Variants in SPATA16 observed in about 807,000 individuals in gnomAD.
SPATA16 encodes the protein spermatogenesis associated 16.
Under a neutral mutation model 63.3 loss-of-function variants are expected in SPATA16, and 36 were observed. The ratio of observed to expected loss-of-function variants is 0.57; its 90% CI spans 0.44 to 0.75. SPATA16 has a LOEUF of 0.75. Among genes scored for constraint, SPATA16 ranks in the 30% least tolerant of loss-of-function variants. The pLI is 0.00. For synonymous variants in SPATA16, 203 were observed against 216.7 expected, an observed-to-expected ratio of 0.94 and a Z score of 0.56; for missense variants, 646 against 679.3, an observed-to-expected ratio of 0.95 and a Z score of 0.54.
At chr3:173,059,669 C>T (rs1169981198) in intron 2 of SPATA16, among the ~76,000 whole-genome samples, 2 of 151,760 alleles carry the variant, frequency 1.3e-5, no homozygotes, top group Non-Finnish European at 2.9e-5. Context: ...TATATTTAAT[C>T]ATTTATGGAT....
chr3:173,036,903 AT>A (rs987833334), intron 3 of SPATA16, among the ~76,000 whole-genome samples: 1 of 152,016 alleles, frequency 6.6e-6, no homozygotes, highest in Non-Finnish European at 1.5e-5. Flanking sequence ...TGGGATTATC[AT>A]TTTGAAGTGA....
chr3:173,056,705 C>CAAAAAAAAAAAAAAAAA (rs71162325), intron 2 of SPATA16, among the ~76,000 whole-genome samples: 33 of 73,598 alleles, frequency 4.5e-4, no homozygotes, highest in African/African-American at 1.7e-3. Context: ...ACTCTTGTTT[C>CAAAAAAAAAAAAAAAAA]AAAAAAAAAA....
chr3:173,129,459 C>G (rs973023663), intron 1 of SPATA16, among the ~76,000 whole-genome samples: 2 of 152,098 alleles, frequency 1.3e-5, no homozygotes, highest in African/African-American at 4.8e-5. Flanking sequence ...GTGTTAAGAA[C>G]TAATGCATCA....
intron 3 of SPATA16, among the ~76,000 whole-genome samples, chr3:173,037,542 G>A (rs1407314221): frequency 2.0e-5 from 3 of 152,038 alleles, no homozygotes; most frequent in African/African-American, 7.2e-5. Flanking sequence ...TTAATAACTG[G>A]TAATAACATA....
chr3:173,014,812 T>G (rs957705452), intron 4 of SPATA16, among the ~76,000 whole-genome samples: 18 of 152,180 alleles, frequency 1.2e-4, no homozygotes, highest in African/African-American at 4.3e-4. Context: ...CCTGTTTTCC[T>G]GGCGTAATTC....
chr3:173,044,282 C>A (rs963419445), intron 3 of SPATA16, among the ~76,000 whole-genome samples: 1 of 152,072 alleles, frequency 6.6e-6, no homozygotes, highest in Non-Finnish European at 1.5e-5. Context: ...TTTAAAAAAT[C>A]TTTTATTGTC....
intron 10 of SPATA16, among the ~76,000 whole-genome samples, chr3:172,903,511 C>G (rs536211727): frequency 6.6e-6 from 1 of 152,250 alleles, no homozygotes; most frequent in African/African-American, 2.4e-5. Context: ...GATGGTAAAA[C>G]TTGGAGGGGT....
At chr3:172,931,269 C>T (rs895920688) in intron 6 of SPATA16, among the ~76,000 whole-genome samples, 3 of 152,166 alleles carry the variant, frequency 2.0e-5, no homozygotes, top group Non-Finnish European at 4.4e-5. Context: ...GAAATAGGGT[C>T]TTACTCTGTC....
chr3:172,956,790 G>C lies in SPATA16; in HGVS notation c.968C>G (p.Ser323Cys). The stretch of plus-strand genomic sequence containing the variant: ...AAATGGTGTGTACATAACCGAGAAA[G>C]ATTCAGCTCTGGTGATGGCTTCCTC... The part of the protein sequence containing the change: ...MIEEAITRAE[S>C]FSVMYTPFAT... Residue 323 changes from serine to cysteine, a missense_variant, in exon 6 of 11, where the codon TCT becomes TGT. Transcript: ENST00000351008. 6.2e-7 allele frequency: 1 copy of C among 1,613,346 alleles called. No homozygotes were observed.
intron 6 of SPATA16, among the ~76,000 whole-genome samples, chr3:172,944,823 G>C (rs141680452): frequency 2.0e-5 from 3 of 152,116 alleles, no homozygotes; most frequent in Non-Finnish European, 2.9e-5. Flanking sequence ...AGGGGATCTG[G>C]GGGGAGAAGA....
chr3:172,960,124 G>T (rs1181425221), intron 5 of SPATA16, among the ~76,000 whole-genome samples: 3 of 152,018 alleles, frequency 2.0e-5, no homozygotes, highest in African/African-American at 7.2e-5. Flanking sequence ...TATAATAAAA[G>T]ATTTTCCTTG....
At chr3:172,941,033 CAA>C (rs1010686072) in intron 6 of SPATA16, among the ~76,000 whole-genome samples, 2 of 151,952 alleles carry the variant, frequency 1.3e-5, no homozygotes, top group South Asian at 2.1e-4. Flanking sequence ...AAAAAGATCT[CAA>C]GAGAACTTCT....
intron 2 of SPATA16, among the ~76,000 whole-genome samples, chr3:173,061,953 G>A (rs1349515902): frequency 1.3e-5 from 2 of 151,956 alleles, no homozygotes; most frequent in African/African-American, 4.8e-5. Flanking sequence ...TATGCCAAAT[G>A]AGGTTACTCC....
intron 2 of SPATA16, among the ~76,000 whole-genome samples, chr3:173,052,101 GTGGGATAATGTGGAAGTCATTA>G (rs1204018546): frequency 2.0e-5 from 3 of 152,132 alleles, no homozygotes; most frequent in Non-Finnish European, 1.5e-5. Context: ...GTGAGCCACC[GTGGGATAATGTGGAAGTCATTA>G]TGGGATAATG....
At chr3:173,073,081 A>T (rs1406039968) in intron 2 of SPATA16, among the ~76,000 whole-genome samples, 3 of 152,172 alleles carry the variant, frequency 2.0e-5, no homozygotes, top group Non-Finnish European at 2.9e-5. Flanking sequence ...AGATATGTGG[A>T]ACTTTGAACT....
chr3:172,942,710 C>T (rs1160743772), intron 6 of SPATA16, among the ~76,000 whole-genome samples: 2 of 151,816 alleles, frequency 1.3e-5, no homozygotes, highest in African/African-American at 4.8e-5. Flanking sequence ...ATTAAAAAAC[C>T]CTGCATTCCA....
At chr3:173,095,478 C>A (rs1737330263) in intron 2 of SPATA16, among the ~76,000 whole-genome samples, 1 of 152,134 alleles carries the variant, frequency 6.6e-6, no homozygotes, top group Admixed American at 6.6e-5. Context: ...TGTCAGCTAT[C>A]TATAAATTTC....
intron 2 of SPATA16, among the ~76,000 whole-genome samples, chr3:173,105,491 A>G (rs552813169): frequency 6.6e-6 from 1 of 152,212 alleles, no homozygotes; most frequent in East Asian, 1.9e-4. Flanking sequence ...CTCTCAATTA[A>G]TTTCTTAGTC....
chr3:172,925,225 G>A, intron 7 of SPATA16, 121 bp downstream of exon 7: 2 of 1,084,462 alleles, frequency 1.8e-6, no homozygotes, highest in Non-Finnish European at 2.7e-6. Flanking sequence ...AGAATTCCAG[G>A]TATTGTTAAC....
Sources: allele counts gnomAD v4.1 joint callset (sites outside exome capture counted in the v4.1 genomes callset), GRCh38; gene constraint gnomAD v4.1.1; transcripts MANE v1.5; gene names NCBI Gene and HGNC (gene_info 2026-07-23, HGNC 2026-07-21).